Variants in DNM3 observed in about 807,000 individuals in gnomAD.
DNM3 encodes dynamin-3.
DNM3 carries 47 observed loss-of-function variants against 101.6 expected under a neutral mutation model. That is an observed-to-expected ratio of 0.46 (90% CI 0.37 to 0.59). The LOEUF (loss-of-function observed/expected upper bound fraction) is 0.59, where lower values mean the gene tolerates loss of function less well. DNM3 is among the 20% of genes least tolerant of loss of function. The probability of loss-of-function intolerance (pLI) is 0.00; values close to 1 mark genes in which losing one functional copy is unlikely to be tolerated. For synonymous variants in DNM3, 385 were observed against 387.9 expected (o/e 0.99, Z 0.09); for missense variants, 849 against 1,085.7 (o/e 0.78, Z 3.06).
intron 20 of DNM3, among the ~76,000 whole-genome samples, chr1:172,398,533 G>A (rs771980332): frequency 6.6e-5 from 10 of 152,160 alleles, no homozygotes; most frequent in Admixed American, 2.0e-4. Context: ...TAATGGTAAG[G>A]TAAATGATAT....
At chr1:172,141,479 C>A (rs1474998503) in intron 14 of DNM3, among the ~76,000 whole-genome samples, 1 of 151,986 alleles carries the variant, frequency 6.6e-6, no homozygotes, top group Non-Finnish European at 1.5e-5. Context: ...AGAGCAGATC[C>A]CTTACAGAGT....
chr1:172,339,043 TA>T, intron 17 of DNM3: 1 of 490,200 alleles, frequency 2.0e-6, no homozygotes, highest in Admixed American at 2.1e-5. Context: ...TTTGGTTTTC[TA>T]AATAAAAAAG....
rs148317210 is a variant in DNM3 at position 172,099,005 on chromosome 1, C to T, written c.1545+6130C>T. On this transcript the variant is annotated intron_variant, in intron 13 of 20. Coordinates refer to ENST00000627582, the MANE Select transcript of DNM3 (RefSeq NM_015569.5). ...TGGCCTTGTAAATTGCTCTTCTGCT[C>T]TACAGTTGGAAGGTGGCATAAAGCT... Among the ~76,000 whole-genome samples the T allele has an allele frequency of 1.1e-4, 16 of 152,264 alleles. No individual in the cohort carries two copies. In the East Asian group the frequency reaches 3.1e-3, roughly 29 times the overall value.
chr1:172,134,475 A>C (rs574928693), intron 14 of DNM3, among the ~76,000 whole-genome samples: 1 of 152,302 alleles, frequency 6.6e-6, no homozygotes, highest in Admixed American at 6.5e-5. Context: ...TTAGAGATAA[A>C]GAATTGAGGC....
chr1:171,950,304 A>C (rs1244786122), intron 2 of DNM3, among the ~76,000 whole-genome samples: 1 of 152,190 alleles, frequency 6.6e-6, no homozygotes, highest in Admixed American at 6.5e-5. Flanking sequence ...TGAAAGCAAT[A>C]TGCATTCGGT....
chr1:172,153,298 C>G (rs181840661), intron 14 of DNM3, among the ~76,000 whole-genome samples: 3 of 152,254 alleles, frequency 2.0e-5, no homozygotes, highest in Admixed American at 2.0e-4. Flanking sequence ...TGGAGGATTG[C>G]CATGGCAATG....
intron 14 of DNM3, among the ~76,000 whole-genome samples, chr1:172,168,455 C>T (rs1363379472): frequency 2.0e-5 from 3 of 151,846 alleles, no homozygotes; most frequent in African/African-American, 4.8e-5. Context: ...GTTCTATTAT[C>T]GAGACAATTG....
At chr1:172,334,083 T>C (rs1201867992) in intron 17 of DNM3, among the ~76,000 whole-genome samples, 1 of 152,156 alleles carries the variant, frequency 6.6e-6, no homozygotes, top group African/African-American at 2.4e-5. Flanking sequence ...CTTTTCGAAA[T>C]AGTTCTGTCA....
At chr1:172,268,038 A>G (rs2062937589) in intron 15 of DNM3, among the ~76,000 whole-genome samples, 1 of 152,148 alleles carries the variant, frequency 6.6e-6, no homozygotes, top group Admixed American at 6.6e-5. Flanking sequence ...TTAAAAGTTA[A>G]GCAGGAGGAG....
intron 15 of DNM3, among the ~76,000 whole-genome samples, chr1:172,297,347 A>G (rs1259610321): frequency 2.0e-5 from 3 of 151,962 alleles, no homozygotes; most frequent in Non-Finnish European, 4.4e-5. Context: ...ATTTGTGGTC[A>G]TTATCCTATT....
intron 15 of DNM3, among the ~76,000 whole-genome samples, chr1:172,295,661 G>T (rs1007466893): frequency 6.6e-6 from 1 of 152,142 alleles, no homozygotes; most frequent in Non-Finnish European, 1.5e-5. Flanking sequence ...CAAAACAAAA[G>T]AAACAGTCAG....
chr1:171,915,273 G>A (rs2039622842), intron 1 of DNM3, among the ~76,000 whole-genome samples: 1 of 152,198 alleles, frequency 6.6e-6, no homozygotes, highest in Non-Finnish European at 1.5e-5. Context: ...ATCCTGGGGA[G>A]TCATTCAGTG....
At chr1:172,191,782 T>C (rs544183736) in intron 14 of DNM3, among the ~76,000 whole-genome samples, 3 of 152,294 alleles carry the variant, frequency 2.0e-5, no homozygotes, top group South Asian at 4.1e-4. Context: ...GAAGCAATTG[T>C]GAATGGGAGT....
chr1:172,068,512 T>C (rs1342868628), intron 10 of DNM3, among the ~76,000 whole-genome samples: 1 of 152,186 alleles, frequency 6.6e-6, no homozygotes, highest in Non-Finnish European at 1.5e-5. Context: ...TCTTCATCTT[T>C]GAATTTTATT....
chr1:172,186,084 T>C (rs499106), intron 14 of DNM3, among the ~76,000 whole-genome samples: 35,866 of 152,018 alleles, frequency 0.24, 7,076 homozygotes, highest in African/African-American at 0.54. Flanking sequence ...AAAATGGGAA[T>C]AAGGAGAAAT....
intron 1 of DNM3, among the ~76,000 whole-genome samples, chr1:171,863,427 G>GA (rs1314283334): frequency 1.3e-5 from 2 of 151,968 alleles, no homozygotes; most frequent in African/African-American, 4.8e-5. Flanking sequence ...AGAAAGACAG[G>GA]AAAAAAGTAT....
intron 11 of DNM3, among the ~76,000 whole-genome samples, chr1:172,075,113 G>A (rs781151251): frequency 1.3e-4 from 19 of 151,594 alleles, no homozygotes; most frequent in South Asian, 4.1e-4. Context: ...CTGCATAAAT[G>A]TCTTCTTTTG....
intron 3 of DNM3, 123 bp downstream of exon 3, chr1:171,987,928 G>T: frequency 1.1e-6 from 1 of 887,522 alleles, no homozygotes; most frequent in Non-Finnish European, 1.6e-6. Context: ...TTTGGATACT[G>T]CCCATTAATG....
intron 13 of DNM3, among the ~76,000 whole-genome samples, chr1:172,128,369 C>T (rs2056756037): frequency 6.6e-6 from 1 of 152,158 alleles, no homozygotes; most frequent in African/African-American, 2.4e-5. Context: ...TCTTTTTCCT[C>T]TATTCCTTCT....
Sources: allele counts gnomAD v4.1 joint callset (sites outside exome capture counted in the v4.1 genomes callset), GRCh38; gene constraint gnomAD v4.1.1; transcripts MANE v1.5; gene names NCBI Gene and HGNC (gene_info 2026-07-23, HGNC 2026-07-21).